SLC9A9: variants seen among roughly 807,000 people sequenced by gnomAD.
The protein encoded by SLC9A9 is sodium/hydrogen exchanger 9.
In SLC9A9, 62 loss-of-function variants were observed where a neutral mutation model predicts 77.8. The observed-to-expected ratio is 0.80, with a 90% CI of 0.65 to 0.98. The LOEUF (loss-of-function observed/expected upper bound fraction) is 0.98. Ranked by LOEUF, SLC9A9 falls within the 50% of genes least tolerant of loss-of-function variation. The pLI is 0.00. For synonymous variants in SLC9A9, 320 were observed against 283.5 expected, an observed-to-expected ratio of 1.13 and a Z score of -1.29; for missense variants, 775 against 774.9, an observed-to-expected ratio of 1.00 and a Z score of 0.00.
At chr3:143,368,424 G>C (rs1309538060) in intron 13 of SLC9A9, among the ~76,000 whole-genome samples, 1 of 152,164 alleles carries the variant, frequency 6.6e-6, no homozygotes, top group Non-Finnish European at 1.5e-5. Context: ...ACATTCCTTT[G>C]TCAATATTCA....
chr3:143,555,638 C>A (rs919380943), intron 8 of SLC9A9, among the ~76,000 whole-genome samples: 1 of 152,174 alleles, frequency 6.6e-6, no homozygotes, highest in African/African-American at 2.4e-5. Flanking sequence ...TTAAGGTGAT[C>A]TTAAGCCATC....
chr3:143,609,458 C>G (rs1422692392), intron 6 of SLC9A9, among the ~76,000 whole-genome samples: 1 of 151,990 alleles, frequency 6.6e-6, no homozygotes, highest in Non-Finnish European at 1.5e-5. Context: ...GGGCAGCAAG[C>G]TAGGAATGTT....
chr3:143,748,913 C>T (rs1427913953), intron 4 of SLC9A9, among the ~76,000 whole-genome samples: 1 of 151,670 alleles, frequency 6.6e-6, no homozygotes, highest in Non-Finnish European at 1.5e-5. Context: ...CCTTGTTAGC[C>T]AGGATGGTCT....
At chr3:143,508,679 A>G (rs1347304771) in intron 9 of SLC9A9, among the ~76,000 whole-genome samples, 1 of 152,222 alleles carries the variant, frequency 6.6e-6, no homozygotes, top group Non-Finnish European at 1.5e-5. Context: ...TTCTTTTACC[A>G]CATTTCCCCC....
intron 14 of SLC9A9, among the ~76,000 whole-genome samples, chr3:143,329,996 G>GA (rs1039283213): frequency 4.3e-4 from 65 of 151,884 alleles, no homozygotes; most frequent in African/African-American, 1.4e-3. Context: ...CAAACTACTG[G>GA]AAAAAAAAGA....
At chr3:143,514,705 C>A (rs529235012) in intron 9 of SLC9A9, among the ~76,000 whole-genome samples, 2 of 152,342 alleles carry the variant, frequency 1.3e-5, no homozygotes, top group Admixed American at 6.5e-5. Flanking sequence ...TTTTTCTCTG[C>A]AGCTATCTTG....
intron 4 of SLC9A9, among the ~76,000 whole-genome samples, chr3:143,764,572 G>T (rs1464368872): frequency 6.6e-6 from 1 of 152,068 alleles, no homozygotes; most frequent in African/African-American, 2.4e-5. Flanking sequence ...GTCTGGGTTT[G>T]TTTGTTGGTT....
chr3:143,310,467 G>A (rs1340758675), intron 14 of SLC9A9, among the ~76,000 whole-genome samples: 1 of 150,532 alleles, frequency 6.6e-6, no homozygotes, highest in Non-Finnish European at 1.5e-5. Flanking sequence ...GAGCTAAAGT[G>A]CACAAAGCGA....
At chr3:143,289,059 T>C (rs963704977) in intron 14 of SLC9A9, among the ~76,000 whole-genome samples, 1 of 152,196 alleles carries the variant, frequency 6.6e-6, no homozygotes, top group African/African-American at 2.4e-5. Context: ...TGTCAGACTT[T>C]AAACCCATTT....
intron 4 of SLC9A9, among the ~76,000 whole-genome samples, chr3:143,758,540 G>A (rs893936951): frequency 6.6e-6 from 1 of 152,114 alleles, no homozygotes; most frequent in Admixed American, 6.6e-5. Context: ...ACTTGAAGCT[G>A]TTTAGAGATA....
intron 14 of SLC9A9, among the ~76,000 whole-genome samples, chr3:143,306,782 T>G (rs1372638273): frequency 6.6e-6 from 1 of 152,216 alleles, no homozygotes; most frequent in Non-Finnish European, 1.5e-5. Flanking sequence ...TATGGCTTCC[T>G]TAGCAGAAAA....
At chr3:143,504,012 C>A in intron 9 of SLC9A9, 2 of 457,010 alleles carry the variant, frequency 4.4e-6, no homozygotes, top group East Asian at 5.7e-5. Context: ...CAGCATCGCC[C>A]CATTTGACTG....
At chr3:143,315,906 G>GT (rs1485020677) in intron 14 of SLC9A9, among the ~76,000 whole-genome samples, 1 of 152,218 alleles carries the variant, frequency 6.6e-6, no homozygotes, top group Non-Finnish European at 1.5e-5. Context: ...TGGAGAGAAA[G>GT]TTCTCCAAAT....
At chr3:143,494,951 A>G (rs2035807963) in intron 10 of SLC9A9, among the ~76,000 whole-genome samples, 1 of 152,236 alleles carries the variant, frequency 6.6e-6, no homozygotes, top group Non-Finnish European at 1.5e-5. Flanking sequence ...CCAAAGCTGA[A>G]TAATCCTGGA....
At chr3:143,701,139 A>G (rs1933788987) in intron 4 of SLC9A9, among the ~76,000 whole-genome samples, 1 of 152,162 alleles carries the variant, frequency 6.6e-6, no homozygotes, top group Non-Finnish European at 1.5e-5. Flanking sequence ...AGATAATAAC[A>G]CCCAAGTCTT....
At chr3:143,390,862 C>G (rs1040978181) in intron 12 of SLC9A9, among the ~76,000 whole-genome samples, 3 of 152,232 alleles carry the variant, frequency 2.0e-5, no homozygotes, top group African/African-American at 7.2e-5. Context: ...GCTAGCACAG[C>G]AGGCTGAGAT....
At chr3:143,412,477 G>A (rs563719347) in intron 12 of SLC9A9, among the ~76,000 whole-genome samples, 1 of 152,094 alleles carries the variant, frequency 6.6e-6, no homozygotes, top group East Asian at 1.9e-4. Flanking sequence ...GGAGTTATCA[G>A]ACCAGGCTCC....
At chr3:143,693,608 A>G (rs1933543648) in intron 4 of SLC9A9, among the ~76,000 whole-genome samples, 2 of 152,232 alleles carry the variant, frequency 1.3e-5, no homozygotes, top group Admixed American at 6.5e-5. Context: ...AATGTGGCAC[A>G]GCAAATCATA....
intron 6 of SLC9A9, among the ~76,000 whole-genome samples, chr3:143,596,816 C>G (rs753921424): frequency 5.9e-5 from 9 of 152,038 alleles, no homozygotes; most frequent in Non-Finnish European, 1.0e-4. Context: ...GTGTGCATCA[C>G]CACACCTAGC....
Sources: gnomAD v4.1 joint callset for allele counts (sites outside exome capture counted in the v4.1 genomes callset) on GRCh38, gnomAD v4.1.1 for gene constraint, MANE v1.5 for transcripts, NCBI Gene and HGNC (gene_info 2026-07-23, HGNC 2026-07-21) for gene names.